Variants in DLGAP1 observed in about 807,000 individuals in gnomAD.
DLGAP1 encodes DLG associated protein 1.
In DLGAP1, 11 loss-of-function variants were observed where a neutral mutation model predicts 90.8. The observed-to-expected ratio is 0.12, with a 90% confidence interval of 0.08 to 0.20. The LOEUF is 0.20. Ranked by LOEUF, DLGAP1 falls within the 10% of genes least tolerant of loss-of-function variation. The probability of loss-of-function intolerance (pLI) is 1.00; values close to 1 mark genes in which losing one functional copy is unlikely to be tolerated. For missense variants in DLGAP1, 1,050 were observed against 1,333.8 expected, an observed-to-expected ratio of 0.79 and a Z score of 3.31; for synonymous variants, 558 against 540.7, an observed-to-expected ratio of 1.03 and a Z score of -0.44.
At chr18:3,864,407 A>G (rs372762678) in intron 4 of DLGAP1, among the ~76,000 whole-genome samples, 22 of 152,224 alleles carry the variant, frequency 1.4e-4, no homozygotes, top group Admixed American at 1.1e-3. Flanking sequence ...ATTCTTATGC[A>G]TGGTGATATG....
chr18:3,926,659 A>AATAT (rs202080138), intron 3 of DLGAP1, among the ~76,000 whole-genome samples: 1 of 151,748 alleles, frequency 6.6e-6, no homozygotes, highest in African/African-American at 2.4e-5. Context: ...TATAGGTATA[A>AATAT]ATATATATAT....
intron 7 of DLGAP1, among the ~76,000 whole-genome samples, chr18:3,657,970 C>T (rs2059560873): frequency 6.6e-6 from 1 of 152,226 alleles, no homozygotes; most frequent in Non-Finnish European, 1.5e-5. Context: ...CAACCATGAT[C>T]AGACAATCAT....
chr18:4,057,004 T>TATAC lies in DLGAP1; in HGVS notation c.-158-51804_-158-51803insGTAT, dbSNP rs1232653186. ...GCATTTATTAGCAACTGACCATACA[T>TATAC]ACACACACACACACACACACACACA... On this transcript the variant is annotated intron_variant, in intron 2 of 12. Coordinates refer to ENST00000315677, the MANE Select transcript of DLGAP1 (RefSeq NM_004746.4). 5.2e-5 allele frequency among the ~76,000 whole-genome samples: 6 copies of TATAC among 115,020 alleles called. No homozygotes were observed. In the East Asian group the frequency reaches 1.7e-3, roughly 32 times the overall value. The allele number at this position is 115,020 out of a possible 152,430, so 75.5% of individuals were successfully genotyped here.
At chr18:4,129,711 T>C (rs1487548293) in intron 2 of DLGAP1, among the ~76,000 whole-genome samples, 1 of 152,176 alleles carries the variant, frequency 6.6e-6, no homozygotes, top group East Asian at 1.9e-4. Flanking sequence ...AATTTAGTAC[T>C]GGCTTTCTTC....
At chr18:3,677,218 T>C (rs2060338490) in intron 7 of DLGAP1, among the ~76,000 whole-genome samples, 1 of 152,184 alleles carries the variant, frequency 6.6e-6, no homozygotes, top group East Asian at 1.9e-4. Flanking sequence ...ATTTCTAAAT[T>C]ATGGAAGAGT....
intron 5 of DLGAP1, among the ~76,000 whole-genome samples, chr18:3,813,708 C>A (rs1455841249): frequency 2.6e-5 from 4 of 152,034 alleles, no homozygotes; most frequent in African/African-American, 9.7e-5. Context: ...CGTGCCTGAG[C>A]AAACGTTCAA....
At position 4,431,955 on chromosome 18, in the gene DLGAP1, T is replaced by C. The variant is rs868364603; in HGVS notation, c.-267+23051A>G. On this transcript the variant is annotated intron_variant, in intron 1 of 12. Coordinates refer to ENST00000315677, the MANE Select transcript of DLGAP1 (RefSeq NM_004746.4). ...ATGTTTTAGAACCAGTTTATTTTTGTGCTAAACAGAAATGTGAAATAGTTT... is the reference window on the plus strand; with the variant it reads ...ATGTTTTAGAACCAGTTTATTTTTGCGCTAAACAGAAATGTGAAATAGTTT... Among the ~76,000 whole-genome samples the C allele has an allele frequency of 1.6e-4, 25 of 152,228 alleles. 1 individual carries two copies. Among genetic ancestry groups the C allele is most frequent in the African/African-American group, 5.3e-4 (22 of 41,472 alleles).
chr18:4,094,573 T>A (rs1245217920), intron 2 of DLGAP1, among the ~76,000 whole-genome samples: 1 of 151,456 alleles, frequency 6.6e-6, no homozygotes, highest in Non-Finnish European at 1.5e-5. Flanking sequence ...GATTTTTATA[T>A]ATTTTATCTT....
intron 2 of DLGAP1, among the ~76,000 whole-genome samples, chr18:4,031,240 G>A (rs1034727154): frequency 1.3e-5 from 2 of 151,836 alleles, no homozygotes; most frequent in African/African-American, 4.8e-5. Context: ...GAAATTATGT[G>A]TTGAGCAAAG....
intron 7 of DLGAP1, among the ~76,000 whole-genome samples, chr18:3,697,180 G>A (rs542710804): frequency 6.3e-4 from 96 of 151,856 alleles, no homozygotes; most frequent in African/African-American, 2.2e-3. Flanking sequence ...AGGGTTTTTT[G>A]TGTCTCTATC....
At chr18:3,570,347 C>T (rs1006679833) in intron 8 of DLGAP1, among the ~76,000 whole-genome samples, 3 of 150,264 alleles carry the variant, frequency 2.0e-5, no homozygotes, top group African/African-American at 4.9e-5. Flanking sequence ...GGTATGATCT[C>T]GGCTCAGTGC....
At chr18:3,983,086 A>C (rs961031101) in intron 3 of DLGAP1, 6 of 152,156 alleles carry the variant, frequency 3.9e-5, no homozygotes, top group Non-Finnish European at 7.4e-5. Flanking sequence ...GGTTCTTCAG[A>C]GTCAAAGGAA....
At chr18:4,411,555 C>T (rs1191344023) in intron 1 of DLGAP1, among the ~76,000 whole-genome samples, 4 of 152,112 alleles carry the variant, frequency 2.6e-5, no homozygotes, top group Non-Finnish European at 4.4e-5. Context: ...ACAAATCACC[C>T]CCAAAACTTT....
chr18:3,659,445 A>ACCCCCCCCCCCC (rs61527537), intron 7 of DLGAP1, among the ~76,000 whole-genome samples: 4 of 105,238 alleles, frequency 3.8e-5, no homozygotes, highest in African/African-American at 1.3e-4. Flanking sequence ...GGATGCTACC[A>ACCCCCCCCCCCC]CCCCCCGCCG....
intron 4 of DLGAP1, among the ~76,000 whole-genome samples, chr18:3,864,372 C>T (rs61259416): frequency 0.11 from 17,113 of 152,102 alleles, 1,218 homozygotes; most frequent in Non-Finnish European, 0.15. Context: ...TTAGAAGTCC[C>T]TGTTAAGTGA....
intron 11 of DLGAP1, among the ~76,000 whole-genome samples, chr18:3,504,726 G>A (rs1295254731): frequency 6.6e-6 from 1 of 152,138 alleles, no homozygotes; most frequent in Non-Finnish European, 1.5e-5. Context: ...TGGGCAACTC[G>A]TTCCCTTCTC....
At chr18:4,072,136 G>A (rs2075456678) in intron 2 of DLGAP1, among the ~76,000 whole-genome samples, 1 of 152,134 alleles carries the variant, frequency 6.6e-6, no homozygotes, top group Non-Finnish European at 1.5e-5. Context: ...CATCGGTTCT[G>A]TGTAGATGTT....
chr18:4,055,666 A>G (rs1432471647), intron 2 of DLGAP1, among the ~76,000 whole-genome samples: 1 of 152,152 alleles, frequency 6.6e-6, no homozygotes, highest in African/African-American at 2.4e-5. Flanking sequence ...CTAACTGTAA[A>G]TAAGGCAGGG....
At chr18:4,128,184 T>G (rs957128674) in intron 2 of DLGAP1, among the ~76,000 whole-genome samples, 4 of 152,142 alleles carry the variant, frequency 2.6e-5, no homozygotes, top group African/African-American at 4.8e-5. Context: ...GGAAAAAAAT[T>G]GCATCTGTAC....
Sources: gnomAD v4.1 joint callset for allele counts (sites outside exome capture counted in the v4.1 genomes callset) on GRCh38, gnomAD v4.1.1 for gene constraint, MANE v1.5 for transcripts, NCBI Gene and HGNC (gene_info 2026-07-23, HGNC 2026-07-21) for gene names.